PDE4D: variants seen among roughly 807,000 people sequenced by gnomAD.
PDE4D encodes phosphodiesterase 4D.
Under a neutral mutation model 87.4 loss-of-function variants are expected in PDE4D, and 24 were observed. The ratio of observed to expected loss-of-function variants is 0.27; its 90% CI spans 0.20 to 0.39. The LOEUF is 0.39. PDE4D is among the 10% of genes least tolerant of loss of function. The probability of loss-of-function intolerance (pLI) is 1.00; values close to 1 mark genes in which losing one functional copy is unlikely to be tolerated. For synonymous variants in PDE4D, 384 were observed against 383.2 expected (o/e 1.00, Z -0.02); for missense variants, 714 against 1,041.0 (o/e 0.69, Z 4.32).
chr5:59,467,095 G>A (rs976755562), intron 1 of PDE4D, among the ~76,000 whole-genome samples: 1 of 152,130 alleles, frequency 6.6e-6, no homozygotes, highest in Non-Finnish European at 1.5e-5. Context: ...AGAGAAGTCA[G>A]CCATCTACAA....
chr5:59,983,486 C>T (rs1762123826), intron 3 of PDE4D, among the ~76,000 whole-genome samples: 1 of 152,080 alleles, frequency 6.6e-6, no homozygotes. Flanking sequence ...ACAAAATACT[C>T]ATGTCTAGAA....
intron 1 of PDE4D, among the ~76,000 whole-genome samples, chr5:59,515,462 GGTATAAAATATAGA>G (rs1810991281): frequency 6.6e-6 from 1 of 151,826 alleles, no homozygotes; most frequent in Non-Finnish European, 1.5e-5. Context: ...TTTAAAAAGT[GGTATAAAATATAGA>G]GTATAAAAAT....
chr5:59,024,191 T>C (rs999149751), intron 6 of PDE4D, among the ~76,000 whole-genome samples: 1 of 140,612 alleles, frequency 7.1e-6, no homozygotes, highest in Non-Finnish European at 1.5e-5. Context: ...CATGCCCAGC[T>C]GAATTCTACT....
intron 1 of PDE4D, among the ~76,000 whole-genome samples, chr5:60,363,570 T>TA (rs1258881988): frequency 2.0e-5 from 3 of 152,160 alleles, no homozygotes; most frequent in African/African-American, 7.2e-5. Flanking sequence ...TCACAAGGCT[T>TA]ACATTTTAAT....
At chr5:60,328,282 C>T (rs1756987052) in intron 1 of PDE4D, among the ~76,000 whole-genome samples, 1 of 152,120 alleles carries the variant, frequency 6.6e-6, no homozygotes. Flanking sequence ...AAGTTTTGGT[C>T]ACCTTTCTGA....
chr5:59,385,241 C>A (rs1363667259), intron 1 of PDE4D, among the ~76,000 whole-genome samples: 1 of 152,106 alleles, frequency 6.6e-6, no homozygotes, highest in African/African-American at 2.4e-5. Context: ...CTCATGATTT[C>A]CTTTTTGATA....
At chr5:60,080,561 A>G (rs1773817180) in intron 2 of PDE4D, among the ~76,000 whole-genome samples, 1 of 152,156 alleles carries the variant, frequency 6.6e-6, no homozygotes, top group South Asian at 2.1e-4. Flanking sequence ...TTCCATCAAT[A>G]CCTAGTTTAT....
At chr5:59,392,591 A>G (rs771356608) in intron 1 of PDE4D, among the ~76,000 whole-genome samples, 3 of 151,372 alleles carry the variant, frequency 2.0e-5, no homozygotes, top group East Asian at 1.9e-4. Flanking sequence ...CAACTTTTTA[A>G]AAGTCTAATT....
At position 59,204,885 on chromosome 5, in the gene PDE4D, T is replaced by C. The variant is rs137890752; in HGVS notation, c.647+10892A>G. ...GTCTGCATGTGGTGAAAAGATTCAA[T>C]AGATTAAAAGGAAGCCCTTGATCAA... is the stretch of plus-strand genomic sequence containing the variant. On this transcript the variant is annotated intron_variant, in intron 2 of 14. Transcript: ENST00000340635. Among the ~76,000 whole-genome samples, 403 of 152,344 alleles carry C rather than the reference T, an allele frequency of 2.6e-3. 1 individual carries two copies. Among genetic ancestry groups the C allele is most frequent in the Admixed American group, 6.4e-3 (98 of 15,308 alleles).
chr5:59,376,404 A>G (rs1337187879), intron 1 of PDE4D, among the ~76,000 whole-genome samples: 1 of 152,214 alleles, frequency 6.6e-6, no homozygotes, highest in Non-Finnish European at 1.5e-5. Context: ...TCAAGCTGAG[A>G]GCCAAATCAG....
rs749536530 is a variant in PDE4D, at chr5:58,975,765, C to T, written c.1905G>A (p.Thr635=). The change falls in exon 14 of 15, where the codon ACG becomes ACA. Residue 635 remains threonine, a synonymous_variant. Coordinates refer to ENST00000340635, the MANE Select transcript of PDE4D (RefSeq NM_001104631.2). The surrounding 1 kb of genome is among the most constrained non-coding windows in gnomAD (Gnocchi z 4.2). ...GGAAGAACTCCTCCATTATCCGGTC[C>T]GTCCACTGGCGGTACAGCTGGAGAG... is the stretch of plus-strand genomic sequence containing the variant. ...TKPLQLYRQW[T]DRIMEEFFRQ... is the part of the protein sequence containing the mutation. 5.6e-6 allele frequency: 9 copies of T among 1,612,876 alleles called. No homozygotes were observed. The highest frequency in any genetic ancestry group is 2.7e-5 in the African/African-American group (2 of 74,962).
intron 1 of PDE4D, among the ~76,000 whole-genome samples, chr5:59,530,243 T>A (rs1177886406): frequency 6.6e-6 from 1 of 152,162 alleles, no homozygotes; most frequent in Non-Finnish European, 1.5e-5. Flanking sequence ...TTTTCCTTTC[T>A]TTGAAAATTA....
In PDE4D at chr5:60,351,781, T is replaced by TTTTATTTATTTATTTA. The variant is rs144196649; in HGVS notation, c.-90+136145_-90+136160dup. ...GGGTCATCTTTCTTCCACCTAATTA[T>TTTTATTTATTTATTTA]TTTATTTATTTATTTATTTATTTAT... On this transcript the variant is annotated intron_variant, in intron 1 of 16. Transcript: ENST00000502484. 9.6e-3 allele frequency among the ~76,000 whole-genome samples: 1,406 copies of TTTTATTTATTTATTTA among 147,202 alleles called. 6 individuals carry two copies. The highest frequency in any genetic ancestry group is 0.027 in the South Asian group (121 of 4,454).
chr5:60,090,628 T>C (rs1360885582), intron 2 of PDE4D, among the ~76,000 whole-genome samples: 3 of 152,174 alleles, frequency 2.0e-5, no homozygotes, highest in Non-Finnish European at 4.4e-5. Context: ...AAGACAATGA[T>C]GCCCACTTTT....
At chr5:60,000,977 T>C (rs1379361862) in intron 2 of PDE4D, among the ~76,000 whole-genome samples, 1 of 152,088 alleles carries the variant, frequency 6.6e-6, no homozygotes, top group African/African-American at 2.4e-5. Context: ...CCCTATAACT[T>C]TGCTCCATTC....
chr5:59,779,951 T>C (rs1396649293), intron 1 of PDE4D, among the ~76,000 whole-genome samples: 1 of 152,228 alleles, frequency 6.6e-6, no homozygotes, highest in Non-Finnish European at 1.5e-5. Context: ...CAACAGTCTT[T>C]GAGATCCCAC....
At chr5:60,128,393 T>C (rs750163631) in intron 2 of PDE4D, among the ~76,000 whole-genome samples, 2 of 152,208 alleles carry the variant, frequency 1.3e-5, no homozygotes, top group Non-Finnish European at 1.5e-5. Context: ...GGCCCATAGC[T>C]AGACCACATT....
chr5:59,498,252 TA>T (rs1304495728), intron 1 of PDE4D, among the ~76,000 whole-genome samples: 1 of 151,678 alleles, frequency 6.6e-6, no homozygotes, highest in South Asian at 2.1e-4. Context: ...CCACAGGCCC[TA>T]AGCAGTGACT....
At chr5:60,145,717 C>T (rs998230870) in intron 2 of PDE4D, among the ~76,000 whole-genome samples, 2 of 152,242 alleles carry the variant, frequency 1.3e-5, no homozygotes, top group Middle Eastern at 6.8e-3. Context: ...AGGGAATGGT[C>T]TTTACATTTT....
Sources: gnomAD v4.1 joint callset for allele counts (sites outside exome capture counted in the v4.1 genomes callset) on GRCh38, gnomAD v4.1.1 for gene constraint, Gnocchi (gnomAD v3.1) non-coding constraint, MANE v1.5 for transcripts, NCBI Gene and HGNC (gene_info 2026-07-23, HGNC 2026-07-21) for gene names.